The following WDR70 variants were observed in gnomAD, a reference collection of about 807,000 sequenced individuals.
WDR70 encodes WD repeat domain 70.
WDR70 carries 53 observed loss-of-function variants against 88.6 expected under a neutral mutation model. The observed-to-expected ratio is 0.60, with a 90% confidence interval of 0.48 to 0.75. The LOEUF (loss-of-function observed/expected upper bound fraction) is 0.75. WDR70 is among the 30% of genes least tolerant of loss of function. The pLI, the probability that WDR70 is intolerant of heterozygous loss-of-function variation, is 0.00. For synonymous variants in WDR70, 280 were observed against 270.0 expected, an observed-to-expected ratio of 1.04 and a Z score of -0.36; for missense variants, 610 against 823.2, an observed-to-expected ratio of 0.74 and a Z score of 3.17.
intron 17 of WDR70, among the ~76,000 whole-genome samples, chr5:37,749,013 T>G (rs984631872): frequency 1.2e-4 from 19 of 152,186 alleles, no homozygotes; most frequent in African/African-American, 4.6e-4. Context: ...TTGGTGGGAA[T>G]GTAAATTAGT....
intron 7 of WDR70, among the ~76,000 whole-genome samples, chr5:37,465,295 C>A (rs1739117836): frequency 1.3e-5 from 2 of 152,158 alleles, no homozygotes; most frequent in Admixed American, 1.3e-4. Context: ...TGCTTTGACA[C>A]TTTAATCTTG....
chr5:37,703,509 G>T (rs1292353340), intron 13 of WDR70, among the ~76,000 whole-genome samples: 1 of 152,204 alleles, frequency 6.6e-6, no homozygotes, highest in Non-Finnish European at 1.5e-5. Flanking sequence ...CTCTGCTTGT[G>T]TGGGTTGTAG....
chr5:37,469,222 A>G (rs1265050105), intron 7 of WDR70, among the ~76,000 whole-genome samples: 2 of 152,102 alleles, frequency 1.3e-5, no homozygotes, highest in African/African-American at 4.8e-5. Flanking sequence ...GCCCATAGCT[A>G]GGGTGGCAGT....
intron 10 of WDR70, among the ~76,000 whole-genome samples, chr5:37,622,858 T>A (rs12188106): frequency 0.47 from 70,822 of 151,482 alleles, 17,938 homozygotes; most frequent in Non-Finnish European, 0.57. Flanking sequence ...AACCTGCACG[T>A]TGTGCACATG....
intron 10 of WDR70, among the ~76,000 whole-genome samples, chr5:37,634,291 C>T (rs886333242): frequency 1.4e-5 from 2 of 141,844 alleles, no homozygotes; most frequent in Non-Finnish European, 3.1e-5. Context: ...AGTGTGGGAC[C>T]CTGTCTCAAA....
chr5:37,631,448 G>A (rs1486658521), intron 10 of WDR70, among the ~76,000 whole-genome samples: 1 of 152,122 alleles, frequency 6.6e-6, no homozygotes, highest in Non-Finnish European at 1.5e-5. Flanking sequence ...AGTGATAGTA[G>A]TAATAATAAT....
At chr5:37,725,572 G>T (rs547339577) in intron 16 of WDR70, among the ~76,000 whole-genome samples, 5 of 152,144 alleles carry the variant, frequency 3.3e-5, no homozygotes, top group African/African-American at 1.2e-4. Context: ...AGTATAGCAC[G>T]TACCTTGACT....
At chr5:37,717,958 G>A (rs992754902) in intron 13 of WDR70, among the ~76,000 whole-genome samples, 1 of 152,162 alleles carries the variant, frequency 6.6e-6, no homozygotes, top group African/African-American at 2.4e-5. Flanking sequence ...CTGGTCTTAG[G>A]GTAATTGAGC....
chr5:37,609,333 T>C (rs1040161949), intron 10 of WDR70, among the ~76,000 whole-genome samples: 2 of 152,228 alleles, frequency 1.3e-5, no homozygotes, highest in African/African-American at 4.8e-5. Context: ...GTCTTATGAA[T>C]ACCTAATAAC....
intron 13 of WDR70, among the ~76,000 whole-genome samples, chr5:37,706,127 A>C (rs1747314576): frequency 6.6e-6 from 1 of 152,206 alleles, no homozygotes; most frequent in East Asian, 1.9e-4. Flanking sequence ...TTATTTTTGA[A>C]ACAAAGTTTT....
At chr5:37,381,482 T>A in intron 2 of WDR70, 120 bp from the exon 3 acceptor site, 1 of 761,788 alleles carries the variant, frequency 1.3e-6, no homozygotes, top group Non-Finnish European at 2.3e-6. Context: ...TATATTATGG[T>A]TATATTGGAG....
chr5:37,710,943 C>G (rs1747492934), intron 13 of WDR70, among the ~76,000 whole-genome samples: 1 of 151,826 alleles, frequency 6.6e-6, no homozygotes, highest in Admixed American at 6.6e-5. Context: ...TCAGATAGGT[C>G]TCTGAAAAGT....
intron 5 of WDR70, among the ~76,000 whole-genome samples, chr5:37,418,035 C>T (rs1171775993): frequency 6.6e-6 from 1 of 152,128 alleles, no homozygotes; most frequent in Non-Finnish European, 1.5e-5. Flanking sequence ...TGAACTAGAG[C>T]AGTTAGTTCC....
intron 7 of WDR70, among the ~76,000 whole-genome samples, chr5:37,477,549 C>T (rs1028247978): frequency 2.0e-5 from 3 of 152,208 alleles, no homozygotes; most frequent in Admixed American, 6.5e-5. Flanking sequence ...CTGTTGGGCT[C>T]ATCTACAACT....
intron 10 of WDR70, among the ~76,000 whole-genome samples, chr5:37,646,435 T>C (rs1037294622): frequency 6.6e-5 from 10 of 152,166 alleles, no homozygotes; most frequent in Non-Finnish European, 1.5e-4. Flanking sequence ...GTGTACTTAC[T>C]ATTACCAGTA....
chr5:37,457,485 C>T (rs1459056845), intron 7 of WDR70, among the ~76,000 whole-genome samples: 1 of 152,172 alleles, frequency 6.6e-6, no homozygotes, highest in Non-Finnish European at 1.5e-5. Context: ...TGTAAATTGG[C>T]ACTGTCTTAT....
chr5:37,728,002 C>T (rs1748029722), intron 17 of WDR70, among the ~76,000 whole-genome samples: 1 of 152,084 alleles, frequency 6.6e-6, no homozygotes, highest in Non-Finnish European at 1.5e-5. Context: ...TAACACTTTA[C>T]ATAATCTTAG....
chr5:37,710,811 A>T (rs1457344578), intron 13 of WDR70, among the ~76,000 whole-genome samples: 2 of 151,468 alleles, frequency 1.3e-5, no homozygotes, highest in Non-Finnish European at 2.9e-5. Flanking sequence ...TTATTTATTT[A>T]TTATTATTAT....
intron 10 of WDR70, among the ~76,000 whole-genome samples, chr5:37,653,631 T>G (rs1337099627): frequency 1.3e-5 from 2 of 152,238 alleles, no homozygotes; most frequent in Non-Finnish European, 2.9e-5. Flanking sequence ...GTTATTGGTC[T>G]ATTCAGGAAT....
Sources: gnomAD v4.1 joint callset for allele counts (sites outside exome capture counted in the v4.1 genomes callset) on GRCh38, gnomAD v4.1.1 for gene constraint, MANE v1.5 for transcripts, NCBI Gene and HGNC (gene_info 2026-07-23, HGNC 2026-07-21) for gene names.